Variants in MLLT10 observed in about 807,000 individuals in gnomAD.
MLLT10 encodes MLLT10 histone lysine methyltransferase DOT1L cofactor, also known as protein AF-10.
MLLT10 carries 30 observed loss-of-function variants against 129.1 expected under a neutral mutation model. The ratio of observed to expected loss-of-function variants is 0.23; its 90% CI spans 0.17 to 0.32. The LOEUF is 0.32. MLLT10 is among the 10% of genes least tolerant of loss of function. MLLT10 has a pLI of 1.00. For missense variants in MLLT10, 1,119 were observed against 1,268.3 expected (o/e 0.88, Z 1.79); for synonymous variants, 490 against 446.4 (o/e 1.10, Z -1.23).
intron 14 of MLLT10, among the ~76,000 whole-genome samples, chr10:21,725,070 C>G (rs1036720577): frequency 6.6e-6 from 1 of 152,098 alleles, no homozygotes; most frequent in Non-Finnish European, 1.5e-5. Context: ...AAAAACAAAA[C>G]AAAACAGAAA....
At chr10:21,683,428 A>C (rs1263019939) in intron 13 of MLLT10, among the ~76,000 whole-genome samples, 1 of 152,228 alleles carries the variant, frequency 6.6e-6, no homozygotes, top group African/African-American at 2.4e-5. Context: ...AGAGAAGTGT[A>C]AAAGCTGAGG....
At chr10:21,544,165 A>C (rs2035699583) in intron 3 of MLLT10, among the ~76,000 whole-genome samples, 1 of 152,206 alleles carries the variant, frequency 6.6e-6, no homozygotes, top group Non-Finnish European at 1.5e-5. Context: ...GTTTTATGAC[A>C]GTCTGGGATG....
intron 21 of MLLT10, among the ~76,000 whole-genome samples, chr10:21,737,005 G>GTGAA: frequency 6.6e-6 from 1 of 152,178 alleles, no homozygotes; most frequent in East Asian, 1.9e-4. Context: ...TAGGGGCAAG[G>GTGAA]TGAAGGAAAT....
At chr10:21,612,594 A>G (rs1050120753) in intron 6 of MLLT10, 143 bp downstream of exon 6, 7 of 478,240 alleles carry the variant, frequency 1.5e-5, no homozygotes, top group African/African-American at 1.4e-4. Context: ...ACTTATTTGT[A>G]ATAAAGATAA....
At chr10:21,619,970 CCCAGGCTGGAGTGCAGT>C in intron 8 of MLLT10, among the ~76,000 whole-genome samples, 1 of 149,330 alleles carries the variant, frequency 6.7e-6, no homozygotes, top group Middle Eastern at 3.4e-3. Context: ...TGGAGTGTCG[CCCAGGCTGGAGTGCAGT>C]GGCGCAGTCT....
chr10:21,540,218 T>C (rs2034885039), intron 3 of MLLT10, among the ~76,000 whole-genome samples: 1 of 151,954 alleles, frequency 6.6e-6, no homozygotes, highest in South Asian at 2.1e-4. Flanking sequence ...TGGTGAAACC[T>C]ATCTCTGCTA....
At chr10:21,541,211 TC>T (rs2035092961) in intron 3 of MLLT10, 1 of 151,986 alleles carries the variant, frequency 6.6e-6, no homozygotes, top group Admixed American at 6.6e-5. Flanking sequence ...GTGTTGAGTC[TC>T]AGAACTATTT....
intron 8 of MLLT10, among the ~76,000 whole-genome samples, chr10:21,617,569 T>C (rs1292522542): frequency 1.3e-5 from 2 of 152,184 alleles, no homozygotes; most frequent in East Asian, 3.8e-4. Context: ...TTTTCCTTTA[T>C]AATAGAACAA....
At chr10:21,583,872 A>ATT (rs753865899) in intron 3 of MLLT10, among the ~76,000 whole-genome samples, 8 of 144,968 alleles carry the variant, frequency 5.5e-5, no homozygotes, top group Non-Finnish European at 9.1e-5. Flanking sequence ...AATAGGCTCA[A>ATT]TTTTTTTTTT....
At chr10:21,613,342 T>A (rs1469329879) in intron 6 of MLLT10, among the ~76,000 whole-genome samples, 1 of 152,138 alleles carries the variant, frequency 6.6e-6, no homozygotes, top group Non-Finnish European at 1.5e-5. Context: ...TAAGAATCAG[T>A]CTATGCTTCA....
At chr10:21,710,557 ACTT>A (rs769500903) in intron 13 of MLLT10, among the ~76,000 whole-genome samples, 22 of 152,302 alleles carry the variant, frequency 1.4e-4, no homozygotes, top group Non-Finnish European at 2.9e-4. Flanking sequence ...ACTTACTGTA[ACTT>A]ACCATGCTTC....
chr10:21,628,719 G>GAGCTGCCACAC (rs1564537008), intron 8 of MLLT10, among the ~76,000 whole-genome samples: 3 of 148,048 alleles, frequency 2.0e-5, no homozygotes, highest in East Asian at 2.0e-4. Context: ...GGGATTACAG[G>GAGCTGCCACAC]CATGAACCAC....
intron 13 of MLLT10, among the ~76,000 whole-genome samples, chr10:21,706,528 T>C (rs1260506216): frequency 6.6e-6 from 1 of 152,212 alleles, no homozygotes; most frequent in African/African-American, 2.4e-5. Context: ...TCATTCAGTC[T>C]CTCGGGATGT....
chr10:21,626,420 G>A, intron 8 of MLLT10: 1 of 607,940 alleles, frequency 1.6e-6, no homozygotes, highest in Non-Finnish European at 2.9e-6. Flanking sequence ...AAGCTGAAGG[G>A]GAAGCAGGTA....
chr10:21,661,418 G>C (rs552300030), intron 9 of MLLT10, among the ~76,000 whole-genome samples: 20 of 152,084 alleles, frequency 1.3e-4, no homozygotes, highest in African/African-American at 4.6e-4. Flanking sequence ...ATCAGTTTTT[G>C]CTTCATATAT....
rs562911980 is a variant in MLLT10, at chr10:21,567,093, G to A, written c.241-19201G>A. ...CTCCCAAAGTGATGGGATTACAGGC[G>A]CGAGCCACCGAGCCCGGCCTTGGTA... On this transcript the variant is annotated intron_variant, in intron 3 of 22. Transcript: ENST00000307729. Among the ~76,000 whole-genome samples, 10 of 152,270 alleles carry A rather than the reference G, an allele frequency of 6.6e-5. No individual in the cohort carries two copies. The South Asian group carries it at 1.2e-3, about 19-fold the overall frequency.
At chr10:21,631,313 C>CAAAA (rs991306894) in intron 8 of MLLT10, among the ~76,000 whole-genome samples, 101 of 47,704 alleles carry the variant, frequency 2.1e-3, no homozygotes, top group Middle Eastern at 0.012. Flanking sequence ...GACTCCGTCT[C>CAAAA]AAAAAAAAAA....
chr10:21,539,270 T>G (rs1166557825), intron 3 of MLLT10, among the ~76,000 whole-genome samples: 1 of 152,214 alleles, frequency 6.6e-6, no homozygotes, highest in Non-Finnish European at 1.5e-5. Flanking sequence ...GATAATTCTC[T>G]TAGGTTTTGT....
chr10:21,741,597 C>T (rs1328371117), intron 22 of MLLT10, among the ~76,000 whole-genome samples: 3 of 152,184 alleles, frequency 2.0e-5, no homozygotes, highest in African/African-American at 2.4e-5. Flanking sequence ...GAATCACAGC[C>T]GATGACTTTC....
Sources: gnomAD v4.1 joint callset for allele counts (sites outside exome capture counted in the v4.1 genomes callset) on GRCh38, gnomAD v4.1.1 for gene constraint, MANE v1.5 for transcripts, NCBI Gene and HGNC (gene_info 2026-07-23, HGNC 2026-07-21) for gene names.